Variants in CTNNBL1 observed in about 807,000 individuals in gnomAD.
The protein encoded by CTNNBL1 is beta-catenin-like protein 1.
CTNNBL1 carries 31 observed loss-of-function variants against 72.7 expected under a neutral mutation model. The ratio of observed to expected loss-of-function variants is 0.43; its 90% confidence interval spans 0.32 to 0.58. The LOEUF (loss-of-function observed/expected upper bound fraction) is 0.58, where lower values mean the gene tolerates loss of function less well. Ranked by LOEUF, CTNNBL1 falls within the 20% of genes least tolerant of loss-of-function variation. The pLI, the probability that CTNNBL1 is intolerant of heterozygous loss-of-function variation, is 0.08. For synonymous variants in CTNNBL1, 240 were observed against 267.3 expected (o/e 0.90, Z 1.00); for missense variants, 534 against 725.1 (o/e 0.74, Z 3.03).
chr20:37,773,761 A>G (rs1170578485), intron 7 of CTNNBL1, among the ~76,000 whole-genome samples: 1 of 152,028 alleles, frequency 6.6e-6, no homozygotes, highest in Non-Finnish European at 1.5e-5. Flanking sequence ...AGATTAAAAC[A>G]TTTGGTTGTC....
intron 13 of CTNNBL1, among the ~76,000 whole-genome samples, chr20:37,856,997 G>A (rs982230224): frequency 4.6e-5 from 7 of 152,156 alleles, no homozygotes; most frequent in African/African-American, 1.4e-4. Flanking sequence ...AATCAGACAC[G>A]ATTCCTATCC....
chr20:37,846,746 A>G (rs765610791), intron 13 of CTNNBL1, among the ~76,000 whole-genome samples: 1 of 151,920 alleles, frequency 6.6e-6, no homozygotes, highest in Non-Finnish European at 1.5e-5. Flanking sequence ...CCCTCCTGCC[A>G]CACAGCCTTT....
chr20:37,748,660 G>C (rs112859286), intron 4 of CTNNBL1, among the ~76,000 whole-genome samples: 9,576 of 152,274 alleles, frequency 0.063, 360 homozygotes, highest in African/African-American at 0.073. Context: ...CAGTTCTGGA[G>C]ACTGGGAAGT....
chr20:37,808,192 A>G (rs909973240), intron 11 of CTNNBL1, among the ~76,000 whole-genome samples: 1 of 152,184 alleles, frequency 6.6e-6, no homozygotes, highest in Non-Finnish European at 1.5e-5. Flanking sequence ...TCAGTGCTTT[A>G]AAGAATACTT....
Position 37,840,114 on chromosome 20 carries a change from C to T in CTNNBL1, c.1226C>T (p.Ser409Leu), listed in dbSNP as rs1446320372. Residue 409 changes from serine to leucine, a missense_variant, in exon 12 of 16, where the codon TCG becomes TTG. Physicochemically the swap from Ser to Leu is moderately radical, Grantham distance 145. Coordinates refer to ENST00000361383, the MANE Select transcript of CTNNBL1 (RefSeq NM_030877.5). Reference sequence around the variant, plus strand: ...TTTCCCAACCCAGAGCATGTCTGTTCGATCCTGGCTTCCCTCCTGCGGAAC... The same window carrying T: ...TTTCCCAACCCAGAGCATGTCTGTTTGATCCTGGCTTCCCTCCTGCGGAAC... ...TEKEHEEHVC[S>L]ILASLLRNLR... 2.5e-6 allele frequency: 4 copies of T among 1,613,336 alleles called. No individual in the cohort carries two copies. The highest frequency in any genetic ancestry group is 1.7e-5 in the Admixed American group (1 of 60,024).
chr20:37,805,710 T>C (rs1305208194), intron 11 of CTNNBL1, among the ~76,000 whole-genome samples: 3 of 152,170 alleles, frequency 2.0e-5, no homozygotes, highest in African/African-American at 7.2e-5. Flanking sequence ...TCCTTAGTTT[T>C]GATGTCTCTT....
At chr20:37,774,500 C>T (rs918592238) in intron 7 of CTNNBL1, among the ~76,000 whole-genome samples, 2 of 152,200 alleles carry the variant, frequency 1.3e-5, no homozygotes, top group African/African-American at 2.4e-5. Context: ...ATTCTTCCTT[C>T]ATGCCAATTT....
At chr20:37,700,617 C>T (rs150041397) in intron 1 of CTNNBL1, among the ~76,000 whole-genome samples, 2 of 152,228 alleles carry the variant, frequency 1.3e-5, no homozygotes, top group African/African-American at 4.8e-5. Flanking sequence ...TTTTTGATGC[C>T]TTCAGGCTTA....
chr20:37,859,808 A>G (rs2072474664), intron 13 of CTNNBL1, 91 bp from the exon 14 acceptor site: 4 of 1,283,964 alleles, frequency 3.1e-6, no homozygotes, highest in Non-Finnish European at 4.4e-6. Context: ...TATAGTTGCT[A>G]TTGTTGTGTG....
chr20:37,728,426 C>G, intron 1 of CTNNBL1, among the ~76,000 whole-genome samples: 1 of 152,116 alleles, frequency 6.6e-6, no homozygotes, highest in Non-Finnish European at 1.5e-5. Context: ...GAACACTGTT[C>G]TAGATTGTTA....
chr20:37,801,012 C>T (rs1290140444), intron 10 of CTNNBL1, among the ~76,000 whole-genome samples: 2 of 152,226 alleles, frequency 1.3e-5, no homozygotes, highest in Non-Finnish European at 2.9e-5. Flanking sequence ...AAGAGATCCA[C>T]GCCAGTCATT....
At chr20:37,790,578 T>C (rs1463179743) in intron 10 of CTNNBL1, among the ~76,000 whole-genome samples, 4 of 152,160 alleles carry the variant, frequency 2.6e-5, no homozygotes, top group African/African-American at 7.2e-5. Flanking sequence ...ACCTGTTCTC[T>C]AGGAACCAGA....
At chr20:37,733,089 G>A in intron 2 of CTNNBL1, 22 bp downstream of exon 2, 1 of 1,606,824 alleles carries the variant, frequency 6.2e-7, no homozygotes, top group Non-Finnish European at 8.5e-7. Flanking sequence ...GCGCTGGGTG[G>A]GAGCTGAGAT....
intron 13 of CTNNBL1, among the ~76,000 whole-genome samples, chr20:37,856,898 T>G (rs1022996084): frequency 1.3e-5 from 2 of 152,174 alleles, no homozygotes; most frequent in Non-Finnish European, 2.9e-5. Flanking sequence ...CCTAATTCAG[T>G]GCTTAGGGTA....
chr20:37,760,752 G>A (rs2073409673), intron 5 of CTNNBL1, among the ~76,000 whole-genome samples: 1 of 152,198 alleles, frequency 6.6e-6, no homozygotes, highest in Non-Finnish European at 1.5e-5. Flanking sequence ...CCTGATAAAT[G>A]TTGGCCATTA....
At chr20:37,707,253 T>G (rs1190331525) in intron 1 of CTNNBL1, among the ~76,000 whole-genome samples, 1 of 152,232 alleles carries the variant, frequency 6.6e-6, no homozygotes, top group East Asian at 1.9e-4. Context: ...AGGCCAGGCA[T>G]TGACTTCTCT....
intron 10 of CTNNBL1, among the ~76,000 whole-genome samples, chr20:37,798,542 C>T (rs2122728144): frequency 6.6e-6 from 1 of 152,248 alleles, no homozygotes; most frequent in South Asian, 2.1e-4. Context: ...TTTCTAAAAG[C>T]CTGAACTCAA....
At chr20:37,734,228 C>A (rs1027672969) in intron 2 of CTNNBL1, among the ~76,000 whole-genome samples, 1 of 152,200 alleles carries the variant, frequency 6.6e-6, no homozygotes, top group African/African-American at 2.4e-5. Flanking sequence ...GACAATAGCT[C>A]TGTCTTTATT....
intron 1 of CTNNBL1, among the ~76,000 whole-genome samples, chr20:37,702,500 T>C (rs2072852760): frequency 6.6e-6 from 1 of 152,218 alleles, no homozygotes; most frequent in Admixed American, 6.5e-5. Context: ...ATTCTAATCA[T>C]GAAGTCATTT....
Sources: allele counts gnomAD v4.1 joint callset (sites outside exome capture counted in the v4.1 genomes callset), GRCh38; gene constraint gnomAD v4.1.1; transcripts MANE v1.5; gene names NCBI Gene and HGNC (gene_info 2026-07-23, HGNC 2026-07-21).